Variants in TXNL4A observed in about 807,000 individuals in gnomAD.
TXNL4A encodes thioredoxin like 4A, also known as thioredoxin-like protein 4A.
In TXNL4A, 17 loss-of-function variants were observed where a neutral mutation model predicts 14.6. The ratio of observed to expected loss-of-function variants is 1.16; its 90% confidence interval spans 0.80 to 1.74. The LOEUF is 1.74. Ranked by LOEUF, TXNL4A falls within the 40% of genes most tolerant of loss-of-function variation. The pLI, the probability that TXNL4A is intolerant of heterozygous loss-of-function variation, is 0.00. For synonymous variants in TXNL4A, 83 were observed against 70.6 expected (o/e 1.18, Z -0.88); for missense variants, 74 against 195.2 (o/e 0.38, Z 3.70).
chr18:79,976,488 C>A (rs998783250), intron 2 of TXNL4A, among the ~76,000 whole-genome samples: 1 of 152,150 alleles, frequency 6.6e-6, no homozygotes, highest in African/African-American at 2.4e-5. Flanking sequence ...GAGCCAGACT[C>A]GGCCCACAAC....
intron 1 of TXNL4A, among the ~76,000 whole-genome samples, chr18:79,978,395 T>C (rs1425936927): frequency 6.6e-6 from 1 of 152,212 alleles, no homozygotes; most frequent in African/African-American, 2.4e-5. Context: ...ACATTTTCTG[T>C]TATTTTTTCT....
At chr18:79,986,511 AGT>A in intron 1 of TXNL4A, 1 of 914,746 alleles carries the variant, frequency 1.1e-6, no homozygotes, top group Non-Finnish European at 1.3e-6. Flanking sequence ...TGTGTCCACT[AGT>A]GATACAGTGA....
chr18:80,011,402 A>G lies in TXNL4A; in HGVS notation c.-61+22449T>C, dbSNP rs1175248564. On this transcript the variant is annotated intron_variant, in intron 1 of 2. Coordinates refer to the TXNL4A transcript ENST00000585474. This position sits in a 1 kb window ranked among gnomAD's most constrained non-coding sequence, Gnocchi z 4.1. ...ATTTAAGAGTGCACAGGCGCCCACT[A>G]CTTCAGCTATAAGGACATTGAGAGT... Among the ~76,000 whole-genome samples, 1 of 152,158 alleles carries G rather than the reference A, an allele frequency of 6.6e-6. No individual in the cohort carries two copies. Among genetic ancestry groups the G allele is most frequent in the Non-Finnish European group, 1.5e-5 (1 of 68,032 alleles).
intron 2 of TXNL4A, among the ~76,000 whole-genome samples, chr18:79,974,552 T>A (rs974382262): frequency 6.6e-6 from 1 of 152,196 alleles, no homozygotes; most frequent in Admixed American, 6.5e-5. Context: ...GGCTAGGGCA[T>A]AGTGGCAAAA....
In TXNL4A at chr18:79,988,272, T is replaced by C; in HGVS notation, c.121A>G (p.Met41Val). Residue 41 changes from methionine to valine, a missense_variant, in exon 1 of 3, where the codon ATG becomes GTG. Transcript: ENST00000269601. ...GCGATGCTGTACAGGACCTCGTCCA[T>C]CTTCATGCACGTAGGATCCCAGTCG... ...GHDWDPTCMK[M>V]DEVLYSIAEK... 6.2e-7 allele frequency: 1 copy of C among 1,601,380 alleles called. No homozygotes were observed. The highest frequency in any genetic ancestry group is 8.5e-7 in the Non-Finnish European group (1 of 1,171,070).
chr18:80,008,328 T>C (rs2051746346), intron 1 of TXNL4A, among the ~76,000 whole-genome samples: 1 of 152,158 alleles, frequency 6.6e-6, no homozygotes, highest in African/African-American at 2.4e-5. Flanking sequence ...GGCACAAGGC[T>C]GGTCAGTTTT....
chr18:80,005,093 A>C (rs1400454738), intron 1 of TXNL4A, among the ~76,000 whole-genome samples: 1 of 152,260 alleles, frequency 6.6e-6, no homozygotes, highest in African/African-American at 2.4e-5. Flanking sequence ...GACGTGCAGT[A>C]GAACCATGAG....
chr18:79,973,911 T>G, intron 2 of TXNL4A, 55 bp from the exon 3 acceptor site: 1 of 1,589,142 alleles, frequency 6.3e-7, no homozygotes, highest in Non-Finnish European at 8.6e-7. Flanking sequence ...AAAAAAGAAT[T>G]CCTTGAAAAC....
chr18:79,988,670 CG>C, upstream of TXNL4A: 1 of 266,924 alleles, frequency 3.7e-6, no homozygotes, highest in Non-Finnish European at 7.0e-6. Flanking sequence ...TGTAGTTGGC[CG>C]GGTGGAGCGG....
At position 79,985,762 on chromosome 18, in the gene TXNL4A, C is replaced by G. The variant is rs550423541; in HGVS notation, c.153+2478G>C. On this transcript the variant is annotated intron_variant, in intron 1 of 2. Coordinates refer to ENST00000269601, the MANE Select transcript of TXNL4A (RefSeq NM_006701.5). ...ACAACACATCTAGGAAAAATCATAT[C>G]AAGTCCAGCCTGAACATTTGCAACT... 1.1e-4 allele frequency: 17 copies of G among 152,288 alleles called. No homozygotes were observed. In the East Asian group the frequency reaches 3.3e-3, roughly 29 times the overall value. 9.4% of individuals were successfully genotyped at this position (152,288 alleles called of 1,614,324 possible). A position where few individuals can be genotyped will look rare whatever the true frequency, so the allele number is the denominator to read the frequency against.
chr18:80,011,868 T>C lies in TXNL4A; in HGVS notation c.-61+21983A>G, dbSNP rs1415576773. Among the ~76,000 whole-genome samples, 1 of 152,186 alleles carries C rather than the reference T, an allele frequency of 6.6e-6. No homozygotes were observed. Among genetic ancestry groups the C allele is most frequent in the Non-Finnish European group, 1.5e-5 (1 of 68,038 alleles). ...CATTTTTTAAAGATCTTAAGTAGTT[T>C]AGACACACGCCTTTGCTCGAGGAAA... On this transcript the variant is annotated intron_variant, in intron 1 of 2. Coordinates refer to the TXNL4A transcript ENST00000585474. The surrounding 1 kb of genome is among the most constrained non-coding windows in gnomAD (Gnocchi z 4.1).
chr18:80,016,981 T>C (rs1207294822), intron 1 of TXNL4A, among the ~76,000 whole-genome samples: 1 of 152,136 alleles, frequency 6.6e-6, no homozygotes, highest in African/African-American at 2.4e-5. Context: ...ATATTGATTC[T>C]TCCTACCCAT....
chr18:80,026,876 A>T (rs946139044), intron 1 of TXNL4A, among the ~76,000 whole-genome samples: 2 of 152,222 alleles, frequency 1.3e-5, no homozygotes, highest in African/African-American at 2.4e-5. Flanking sequence ...AAAATACCAA[A>T]TTAAAATAAT....
chr18:80,029,546 G>A (rs985457642), intron 1 of TXNL4A, among the ~76,000 whole-genome samples: 24 of 152,298 alleles, frequency 1.6e-4, no homozygotes, highest in African/African-American at 3.1e-4. Context: ...ACGTCACAGC[G>A]ACAGGGGAAC....
intron 1 of TXNL4A, among the ~76,000 whole-genome samples, chr18:80,019,176 T>G (rs375305545): frequency 2.0e-5 from 3 of 152,232 alleles, no homozygotes; most frequent in African/African-American, 7.2e-5. Flanking sequence ...GGTACCAATG[T>G]ACTGCATTAG....
intron 1 of TXNL4A, among the ~76,000 whole-genome samples, chr18:80,003,893 G>A (rs1024242491): frequency 4.6e-5 from 7 of 152,134 alleles, no homozygotes; most frequent in African/African-American, 7.2e-5. Flanking sequence ...ATCAGATCCC[G>A]TGAGACTCAC....
At chr18:79,993,206 C>G (rs2052257039), upstream of TXNL4A, among the ~76,000 whole-genome samples, 1 of 152,142 alleles carries the variant, frequency 6.6e-6, no homozygotes, top group African/African-American at 2.4e-5. This position sits in a 1 kb window ranked among gnomAD's most constrained non-coding sequence, Gnocchi z 4.4. Flanking sequence ...CTGGTCTGGG[C>G]ACCTTGTAGC....
Position 79,988,395 on chromosome 18 carries a change from C to G in TXNL4A, c.-3G>C. ...AGGTGCGGGAGCATGTACGACATGG[C>G]GGCCCGCGCGCTCGCCGCCGCCCAA... is the stretch of plus-strand genomic sequence containing the variant. On this transcript the variant is annotated 5_prime_UTR_variant, in exon 1 of 3. Transcript: ENST00000269601. The G allele has an allele frequency of 6.9e-7, 1 of 1,450,268 alleles. No homozygotes were observed. The highest frequency in any genetic ancestry group is 9.2e-7 in the Non-Finnish European group (1 of 1,082,520). 89.8% of individuals were successfully genotyped at this position (1,450,268 alleles called of 1,614,324 possible).
Position 80,011,208 on chromosome 18 carries a change from C to A in TXNL4A, c.-61+22643G>T, listed in dbSNP as rs560605397. Among the ~76,000 whole-genome samples the A allele has an allele frequency of 8.6e-4, 131 of 152,260 alleles. No individual in the cohort carries two copies. The highest frequency in any genetic ancestry group is 3.0e-3 in the African/African-American group (125 of 41,546). ...AGGAAAAGAGGTTTTCGTAGGGGAG[C>A]TAACCAGGCCCAAAACCAAGACTCG... On this transcript the variant is annotated intron_variant, in intron 1 of 2. Transcript: ENST00000585474. The surrounding 1 kb of genome is among the most constrained non-coding windows in gnomAD (Gnocchi z 4.1).
Sources: allele counts gnomAD v4.1 joint callset (sites outside exome capture counted in the v4.1 genomes callset), GRCh38; gene constraint gnomAD v4.1.1; non-coding constraint Gnocchi (gnomAD v3.1); transcripts MANE v1.5; gene names NCBI Gene and HGNC (gene_info 2026-07-23, HGNC 2026-07-21).